The following PDE11A variants were observed in gnomAD, a reference collection of about 807,000 sequenced individuals.
PDE11A encodes the protein phosphodiesterase 11A.
Under a neutral mutation model 100.5 loss-of-function variants are expected in PDE11A, and 100 were observed. The ratio of observed to expected loss-of-function variants is 1.00; its 90% CI spans 0.85 to 1.18. The LOEUF is 1.18. Among genes scored for constraint, PDE11A ranks in the 50% most tolerant of loss-of-function variants. PDE11A has a pLI of 0.00. For missense variants in PDE11A, 1,141 were observed against 1,152.6 expected (o/e 0.99, Z 0.15); for synonymous variants, 381 against 420.8 (o/e 0.91, Z 1.16).
chr2:178,059,858 A>G (rs916251932), intron 1 of PDE11A, among the ~76,000 whole-genome samples: 2 of 152,158 alleles, frequency 1.3e-5, no homozygotes, highest in African/African-American at 4.8e-5. Context: ...CACCACTTAA[A>G]GGCCCTGGAC....
intron 2 of PDE11A, among the ~76,000 whole-genome samples, chr2:178,083,465 A>T (rs1377583245): frequency 6.6e-6 from 1 of 152,192 alleles, no homozygotes; most frequent in Non-Finnish European, 1.5e-5. Context: ...GAAGCCAGAA[A>T]ATAAAAACAA....
At chr2:177,996,733 A>T (rs1317700629) in intron 2 of PDE11A, among the ~76,000 whole-genome samples, 4 of 152,190 alleles carry the variant, frequency 2.6e-5, no homozygotes, top group African/African-American at 9.7e-5. Flanking sequence ...CAGCTTTATT[A>T]AACAATGAAA....
rs2105836955 is a variant in PDE11A at position 178,025,705 on chromosome 2, T to G, written c.913-11245A>C. On this transcript the variant is annotated intron_variant, in intron 1 of 19. Coordinates refer to ENST00000286063, the MANE Select transcript of PDE11A (RefSeq NM_016953.4). ...ATATCTATTACCGTAAGTCTGCAAA[T>G]ATATTGTACCTAGAGTTAAAATGCA... Among the ~76,000 whole-genome samples the G allele has an allele frequency of 2.0e-5, 3 of 152,324 alleles. No individual in the cohort carries two copies. The Middle Eastern group carries it at 0.01, about 518-fold the overall frequency.
intron 2 of PDE11A, among the ~76,000 whole-genome samples, chr2:177,950,832 A>G (rs1037083358): frequency 1.3e-5 from 2 of 152,116 alleles, no homozygotes; most frequent in African/African-American, 4.8e-5. Flanking sequence ...AATGGCATGA[A>G]CCCGGGAGGC....
intron 15 of PDE11A, among the ~76,000 whole-genome samples, chr2:177,690,370 G>A (rs2081024842): frequency 6.6e-6 from 1 of 152,184 alleles, no homozygotes; most frequent in Admixed American, 6.5e-5. Context: ...TTTCCAGTAT[G>A]GGGTTGGTTG....
intron 4 of PDE11A, among the ~76,000 whole-genome samples, chr2:177,876,898 G>A (rs2084249729): frequency 6.8e-6 from 1 of 147,966 alleles, no homozygotes; most frequent in Non-Finnish European, 1.5e-5. Context: ...AGATTAACAG[G>A]AGAACAAGCA....
intron 2 of PDE11A, among the ~76,000 whole-genome samples, chr2:178,006,843 T>C (rs1281645713): frequency 6.6e-6 from 1 of 151,246 alleles, no homozygotes; most frequent in Non-Finnish European, 1.5e-5. Flanking sequence ...GGGAAGCCAA[T>C]GCATTCCAAC....
chr2:177,781,699 G>A lies in PDE11A; in HGVS notation c.1738-12326C>T, dbSNP rs533592032. Among the ~76,000 whole-genome samples, 365 of 152,032 alleles carry A rather than the reference G, an allele frequency of 2.4e-3. 2 individuals carry two copies. Among genetic ancestry groups the A allele is most frequent in the African/African-American group, 8.2e-3 (342 of 41,498 alleles). On this transcript the variant is annotated intron_variant, in intron 9 of 19. Transcript: ENST00000286063. ...GTAGTTTTAGTAGAGAAGGGGTTTC[G>A]CCATGTTGGCCAGGCTGGTCTTGAA...
chr2:177,931,741 C>A (rs1346642870), intron 2 of PDE11A, among the ~76,000 whole-genome samples: 1 of 151,642 alleles, frequency 6.6e-6, no homozygotes, highest in Non-Finnish European at 1.5e-5. Flanking sequence ...CCTAGAGGAA[C>A]TAAAAAACAG....
At chr2:177,935,188 T>C (rs2085256698) in intron 2 of PDE11A, among the ~76,000 whole-genome samples, 4 of 152,222 alleles carry the variant, frequency 2.6e-5, no homozygotes, top group African/African-American at 9.6e-5. Flanking sequence ...CATAGACTTG[T>C]TCTGGTTAAG....
At chr2:178,007,155 A>G (rs2086222149) in intron 2 of PDE11A, among the ~76,000 whole-genome samples, 1 of 152,224 alleles carries the variant, frequency 6.6e-6, no homozygotes. Context: ...TGATAAGGCA[A>G]GAAGGTTTTC....
At chr2:177,949,310 G>GT (rs1390531247) in intron 2 of PDE11A, among the ~76,000 whole-genome samples, 7 of 152,166 alleles carry the variant, frequency 4.6e-5, no homozygotes, top group Admixed American at 1.3e-4. Flanking sequence ...AAAGCAACAT[G>GT]TACTCATTAC....
At chr2:177,910,227 C>T (rs1300513814) in intron 2 of PDE11A, among the ~76,000 whole-genome samples, 1 of 152,038 alleles carries the variant, frequency 6.6e-6, no homozygotes, top group Non-Finnish European at 1.5e-5. Flanking sequence ...CTCAATTGCA[C>T]AATGTATACG....
intron 16 of PDE11A, among the ~76,000 whole-genome samples, chr2:177,676,828 C>T (rs1321181683): frequency 1.3e-5 from 2 of 152,202 alleles, no homozygotes; most frequent in Non-Finnish European, 1.5e-5. Context: ...AATGAATCGT[C>T]ATCACCACCC....
chr2:178,074,285 T>C (rs2087178762), upstream of PDE11A, among the ~76,000 whole-genome samples: 1 of 152,178 alleles, frequency 6.6e-6, no homozygotes, highest in Admixed American at 6.5e-5. Flanking sequence ...TGTTCTAAAT[T>C]GATTGTGGTG....
At chr2:177,790,057 A>G in intron 9 of PDE11A, among the ~76,000 whole-genome samples, 1 of 152,070 alleles carries the variant, frequency 6.6e-6, no homozygotes, top group East Asian at 1.9e-4. Flanking sequence ...TTCATATGGA[A>G]CCAAAAAGAG....
At chr2:177,800,460 C>T (rs766001019) in intron 9 of PDE11A, among the ~76,000 whole-genome samples, 6 of 152,102 alleles carry the variant, frequency 3.9e-5, no homozygotes, top group Admixed American at 6.6e-5. Context: ...TGTGAGCCAC[C>T]GTGCCCAGCC....
At chr2:178,019,076 CAAAGAG>C (rs1477705691) in intron 1 of PDE11A, among the ~76,000 whole-genome samples, 3 of 152,132 alleles carry the variant, frequency 2.0e-5, no homozygotes, top group East Asian at 3.8e-4. Context: ...TAAGGATAGA[CAAAGAG>C]AAAGACTGTT....
At chr2:177,646,980 T>C (rs1330710464) in intron 19 of PDE11A, among the ~76,000 whole-genome samples, 1 of 152,340 alleles carries the variant, frequency 6.6e-6, no homozygotes, top group East Asian at 1.9e-4. Context: ...CAGAGCAGAC[T>C]GGTAGCTAAT....
Sources: gnomAD v4.1 joint callset for allele counts (sites outside exome capture counted in the v4.1 genomes callset) on GRCh38, gnomAD v4.1.1 for gene constraint, MANE v1.5 for transcripts, NCBI Gene and HGNC (gene_info 2026-07-23, HGNC 2026-07-21) for gene names.